The following EYS variants were observed in gnomAD, a reference collection of about 807,000 sequenced individuals.
The protein encoded by EYS is protein eyes shut homolog.
EYS carries 250 observed loss-of-function variants against 282.1 expected under a neutral mutation model. The observed-to-expected ratio is 0.89, with a 90% CI of 0.80 to 0.98. The LOEUF (loss-of-function observed/expected upper bound fraction) is 0.98, where lower values mean the gene tolerates loss of function less well. EYS is among the 50% of genes least tolerant of loss of function. The pLI, the probability that EYS is intolerant of heterozygous loss-of-function variation, is 0.00. For missense variants in EYS, 4,016 were observed against 3,709.0 expected, an observed-to-expected ratio of 1.08 and a Z score of -2.15; for synonymous variants, 1,355 against 1,282.9, an observed-to-expected ratio of 1.06 and a Z score of -1.20.
chr6:65,374,024 A>G (rs1461291032), intron 8 of EYS, among the ~76,000 whole-genome samples: 1 of 152,178 alleles, frequency 6.6e-6, no homozygotes, highest in Non-Finnish European at 1.5e-5. Context: ...ATATCAAATG[A>G]TATCTTCATA....
intron 14 of EYS, among the ~76,000 whole-genome samples, chr6:64,964,756 G>A (rs1770037544): frequency 6.6e-6 from 1 of 152,074 alleles, no homozygotes; most frequent in East Asian, 1.9e-4. Flanking sequence ...TATAGGCTGG[G>A]TGCAGTTGCT....
intron 41 of EYS, among the ~76,000 whole-genome samples, chr6:63,739,600 G>A (rs184258185): frequency 6.6e-6 from 1 of 152,234 alleles, no homozygotes; most frequent in African/African-American, 2.4e-5. Context: ...AGAAAGGGGT[G>A]GGGTGCAGAT....
intron 5 of EYS, among the ~76,000 whole-genome samples, chr6:65,407,813 C>T (rs1232169890): frequency 6.7e-6 from 1 of 150,304 alleles, no homozygotes; most frequent in Non-Finnish European, 1.5e-5. Context: ...CTGGAACTTC[C>T]TATGTTCCAG....
intron 12 of EYS, among the ~76,000 whole-genome samples, chr6:65,072,097 T>A (rs983087791): frequency 1.3e-5 from 2 of 151,846 alleles, no homozygotes; most frequent in Non-Finnish European, 2.9e-5. Flanking sequence ...GGATTTTGTC[T>A]GCTTGTACAA....
chr6:64,107,281 ATATT>A (rs1314364574), intron 31 of EYS, among the ~76,000 whole-genome samples: 8 of 89,998 alleles, frequency 8.9e-5, no homozygotes, highest in African/African-American at 3.6e-4. Context: ...GTATATATAT[ATATT>A]TATATATATA....
At chr6:63,786,493 A>G (rs963461877) in intron 39 of EYS, among the ~76,000 whole-genome samples, 1 of 150,016 alleles carries the variant, frequency 6.7e-6, no homozygotes, top group Non-Finnish European at 1.5e-5. Flanking sequence ...ATGAAAATGC[A>G]CGGACACAGG....
At chr6:63,795,862 T>A (rs139856312) in intron 37 of EYS, among the ~76,000 whole-genome samples, 18 of 152,112 alleles carry the variant, frequency 1.2e-4, no homozygotes, top group Non-Finnish European at 2.1e-4. Flanking sequence ...GAGAGAAACA[T>A]AACAAGGAGA....
At chr6:64,777,119 G>T (rs1406339232) in intron 22 of EYS, among the ~76,000 whole-genome samples, 1 of 152,092 alleles carries the variant, frequency 6.6e-6, no homozygotes, top group Non-Finnish European at 1.5e-5. Context: ...AGAACAAGAT[G>T]GGGGGAACCC....
intron 24 of EYS, among the ~76,000 whole-genome samples, chr6:64,610,296 C>T (rs1468558505): frequency 1.3e-5 from 2 of 151,960 alleles, no homozygotes; most frequent in African/African-American, 4.8e-5. Context: ...AAATCTGATG[C>T]ATAAAGATGA....
At position 64,464,404 on chromosome 6, in the gene EYS, T is replaced by G. The variant is rs1263214799; in HGVS notation, c.5645-25052A>C. On this transcript the variant is annotated intron_variant, in intron 26 of 42. Coordinates refer to ENST00000503581, the MANE Select transcript of EYS (RefSeq NM_001142800.2). ...TCTTAGATCAGGAACAAGACTAGGG[T>G]GCTTTACATTTAACGTAATCCTGGA... 3.3e-5 allele frequency among the ~76,000 whole-genome samples: 5 copies of G among 152,106 alleles called. No homozygotes were observed. In the East Asian group the frequency reaches 9.6e-4, roughly 29 times the overall value.
rs369186009 is a variant in EYS, at chr6:65,487,765, G to C, written c.862+2829C>G. Among the ~76,000 whole-genome samples the C allele has an allele frequency of 2.6e-4, 40 of 152,178 alleles. No homozygotes were observed. In the East Asian group the frequency reaches 6.4e-3, roughly 24 times the overall value. ...GAAGGAATGGTACCAGCTCATTTTT[G>C]TACTTATGGTAGAATTTGGCTGTGA... is the stretch of plus-strand genomic sequence containing the variant. On this transcript the variant is annotated intron_variant, in intron 5 of 42. Coordinates refer to ENST00000503581, the MANE Select transcript of EYS (RefSeq NM_001142800.2).
At chr6:64,120,218 T>C (rs1360188354) in intron 31 of EYS, among the ~76,000 whole-genome samples, 2 of 150,784 alleles carry the variant, frequency 1.3e-5, no homozygotes, top group Non-Finnish European at 3.0e-5. Flanking sequence ...TAGCCAGGCA[T>C]GGTGGCGGGC....
At chr6:63,953,134 GT>G (rs1243233849) in intron 35 of EYS, among the ~76,000 whole-genome samples, 1 of 152,064 alleles carries the variant, frequency 6.6e-6, no homozygotes, top group Non-Finnish European at 1.5e-5. Context: ...ATTAAAGATG[GT>G]TTTTTCACTA....
intron 13 of EYS, among the ~76,000 whole-genome samples, chr6:65,044,545 A>G (rs1191422456): frequency 6.6e-6 from 1 of 151,772 alleles, no homozygotes; most frequent in African/African-American, 2.4e-5. Flanking sequence ...CTCTAGTAAT[A>G]ATTATATTCT....
chr6:63,728,592 T>C (rs138772048), intron 41 of EYS, among the ~76,000 whole-genome samples: 32 of 152,296 alleles, frequency 2.1e-4, no homozygotes, highest in Admixed American at 7.2e-4. Flanking sequence ...ATCACATAAG[T>C]TCATCATTTA....
At chr6:63,827,129 A>G (rs1184882182) in intron 36 of EYS, among the ~76,000 whole-genome samples, 1 of 152,242 alleles carries the variant, frequency 6.6e-6, no homozygotes, top group East Asian at 1.9e-4. Context: ...AGCTATTCTT[A>G]TATCAGAGAA....
intron 5 of EYS, among the ~76,000 whole-genome samples, chr6:65,457,416 C>T (rs970940007): frequency 3.9e-5 from 6 of 152,050 alleles, no homozygotes; most frequent in Admixed American, 2.0e-4. Flanking sequence ...CCTTCCACCT[C>T]AGCCTTCCTA....
intron 7 of EYS, among the ~76,000 whole-genome samples, chr6:65,386,096 G>A (rs1206637829): frequency 1.3e-5 from 2 of 150,914 alleles, no homozygotes; most frequent in Non-Finnish European, 3.0e-5. Flanking sequence ...CCACTAAGAA[G>A]AATCAGACCC....
At chr6:63,913,277 G>T (rs941403019) in intron 35 of EYS, among the ~76,000 whole-genome samples, 3 of 152,176 alleles carry the variant, frequency 2.0e-5, no homozygotes, top group African/African-American at 7.2e-5. Flanking sequence ...GGATGTAGGA[G>T]AAAGAAGAAA....
Sources: gnomAD v4.1 joint callset for allele counts (sites outside exome capture counted in the v4.1 genomes callset) on GRCh38, gnomAD v4.1.1 for gene constraint, MANE v1.5 for transcripts, NCBI Gene and HGNC (gene_info 2026-07-23, HGNC 2026-07-21) for gene names.